Variants in KLHL1 observed in about 807,000 individuals in gnomAD.
KLHL1 encodes kelch-like protein 1.
In KLHL1, 47 loss-of-function variants were observed where a neutral mutation model predicts 77.7. That is an observed-to-expected ratio of 0.60 (90% CI 0.48 to 0.77). The LOEUF is 0.77. KLHL1 is among the 30% of genes least tolerant of loss of function. The pLI is 0.00. For missense variants in KLHL1, 925 were observed against 910.8 expected (o/e 1.02, Z -0.20); for synonymous variants, 360 against 325.2 (o/e 1.11, Z -1.15).
chr13:69,817,529 T>G (rs1213908970), intron 6 of KLHL1, among the ~76,000 whole-genome samples: 1 of 152,240 alleles, frequency 6.6e-6, no homozygotes, highest in Non-Finnish European at 1.5e-5. Context: ...CCACATTAGG[T>G]GACTTCTATT....
chr13:69,979,286 CT>C (rs944442570), intron 1 of KLHL1, among the ~76,000 whole-genome samples: 14 of 151,946 alleles, frequency 9.2e-5, no homozygotes, highest in Admixed American at 8.5e-4. Context: ...GGTCATTAAT[CT>C]TTCAGATAAA....
At position 69,828,369 on chromosome 13, in the gene KLHL1, G is replaced by A. The variant is rs538340902; in HGVS notation, c.1414+10607C>T. Among the ~76,000 whole-genome samples, 7 of 150,222 alleles carry A rather than the reference G, an allele frequency of 4.7e-5. No homozygotes were observed. The South Asian group carries it at 1.3e-3, about 27-fold the overall frequency. On this transcript the variant is annotated intron_variant, in intron 6 of 10. Coordinates refer to ENST00000377844, the MANE Select transcript of KLHL1 (RefSeq NM_020866.3). ...AATATAAAAATAGAAGAGGAAGTAG[G>A]ATGAGCCCTGTAGGCACTCTCAGTA... is the stretch of plus-strand genomic sequence containing the variant.
chr13:69,937,579 C>T (rs17085706), intron 4 of KLHL1, among the ~76,000 whole-genome samples: 7,561 of 152,178 alleles, frequency 0.05, 443 homozygotes, highest in African/African-American at 0.14. Flanking sequence ...TGCTGCTATT[C>T]TGGTGCTATC....
chr13:69,980,843 C>A (rs1261339487), intron 1 of KLHL1, among the ~76,000 whole-genome samples: 1 of 152,078 alleles, frequency 6.6e-6, no homozygotes, highest in Non-Finnish European at 1.5e-5. Context: ...CCATATCAAA[C>A]ATTTTAGGAG....
chr13:69,707,850 C>T, intron 9 of KLHL1, 54 bp from the exon 10 acceptor site: 2 of 1,418,222 alleles, frequency 1.4e-6, no homozygotes, highest in Non-Finnish European at 1.9e-6. Context: ...TCAACTTTTA[C>T]TATAAAAATT....
chr13:69,893,844 T>C (rs997931673), intron 4 of KLHL1, among the ~76,000 whole-genome samples: 15 of 152,196 alleles, frequency 9.9e-5, no homozygotes, highest in African/African-American at 3.4e-4. Flanking sequence ...TGTTTATAGG[T>C]ATTTGTTGTG....
At chr13:69,750,776 A>G (rs1285159360) in intron 7 of KLHL1, among the ~76,000 whole-genome samples, 1 of 152,028 alleles carries the variant, frequency 6.6e-6, no homozygotes, top group Admixed American at 6.6e-5. Context: ...TGAGCCATAG[A>G]AAAAAATGTA....
intron 4 of KLHL1, among the ~76,000 whole-genome samples, chr13:69,928,997 CTT>C (rs1354431106): frequency 6.6e-6 from 1 of 152,062 alleles, no homozygotes; most frequent in Non-Finnish European, 1.5e-5. Context: ...TTGATCATCT[CTT>C]ATGCTCAAAT....
At chr13:70,076,592 C>A (rs971078894) in intron 1 of KLHL1, among the ~76,000 whole-genome samples, 1 of 151,260 alleles carries the variant, frequency 6.6e-6, no homozygotes, top group African/African-American at 2.4e-5. Flanking sequence ...GACACAACAC[C>A]AAAAGCCCAA....
At position 69,831,759 on chromosome 13, in the gene KLHL1, T is replaced by C. The variant is rs187362226; in HGVS notation, c.1414+7217A>G. On this transcript the variant is annotated intron_variant, in intron 6 of 10. Coordinates refer to ENST00000377844, the MANE Select transcript of KLHL1 (RefSeq NM_020866.3). ...AAAAAGATAGTCCACGATGATCAAG[T>C]TGATTTCACACCAGGGATGCATGGA... Among the ~76,000 whole-genome samples the C allele has an allele frequency of 1.8e-4, 27 of 150,382 alleles. 3 individuals are homozygous for C. Among genetic ancestry groups the C allele is most frequent in the Non-Finnish European group, 3.2e-4 (22 of 67,738 alleles).
At chr13:70,054,710 A>T (rs1886702467) in intron 1 of KLHL1, among the ~76,000 whole-genome samples, 1 of 151,754 alleles carries the variant, frequency 6.6e-6, no homozygotes. Flanking sequence ...CAAATTTAAA[A>T]AGTGACTGCA....
intron 4 of KLHL1, among the ~76,000 whole-genome samples, chr13:69,896,219 C>T (rs1294989610): frequency 6.6e-6 from 1 of 152,144 alleles, no homozygotes; most frequent in Non-Finnish European, 1.5e-5. Flanking sequence ...ATCTCTCTTG[C>T]AGCCCCTTCA....
chr13:69,825,678 G>A (rs7335903), intron 6 of KLHL1, among the ~76,000 whole-genome samples: 14,512 of 152,114 alleles, frequency 0.095, 1,406 homozygotes, highest in African/African-American at 0.25. Flanking sequence ...GTAAGAACAA[G>A]TAAATCCATT....
chr13:70,009,724 C>T (rs1885486265), intron 1 of KLHL1, among the ~76,000 whole-genome samples: 1 of 152,196 alleles, frequency 6.6e-6, no homozygotes, highest in Non-Finnish European at 1.5e-5. Context: ...AGGTATATTT[C>T]ATTGCTATTC....
At chr13:70,091,147 A>C (rs1224309297) in intron 1 of KLHL1, among the ~76,000 whole-genome samples, 2 of 151,594 alleles carry the variant, frequency 1.3e-5, no homozygotes, top group Non-Finnish European at 2.9e-5. Flanking sequence ...TCCCTTATTC[A>C]TCTCTACTTC....
intron 1 of KLHL1, among the ~76,000 whole-genome samples, chr13:70,022,565 T>G (rs1257770232): frequency 6.9e-6 from 1 of 145,224 alleles, no homozygotes; most frequent in Admixed American, 7.2e-5. Flanking sequence ...TAAAGAATGA[T>G]AAAATGATGA....
intron 7 of KLHL1, among the ~76,000 whole-genome samples, chr13:69,788,250 T>C (rs1415451062): frequency 6.6e-6 from 1 of 152,174 alleles, no homozygotes; most frequent in Non-Finnish European, 1.5e-5. Flanking sequence ...AGCAAAGACT[T>C]GGAACCAACC....
At chr13:69,801,940 G>T (rs536400933) in intron 6 of KLHL1, among the ~76,000 whole-genome samples, 1 of 151,976 alleles carries the variant, frequency 6.6e-6, no homozygotes, top group East Asian at 1.9e-4. Context: ...GTATACATGC[G>T]CCATGGTGGT....
At chr13:69,946,810 G>C (rs1468308860) in intron 3 of KLHL1, among the ~76,000 whole-genome samples, 1 of 151,940 alleles carries the variant, frequency 6.6e-6, no homozygotes, top group Non-Finnish European at 1.5e-5. Flanking sequence ...TACCATGCCT[G>C]GCCAATAATT....
Sources: gnomAD v4.1 joint callset for allele counts (sites outside exome capture counted in the v4.1 genomes callset) on GRCh38, gnomAD v4.1.1 for gene constraint, MANE v1.5 for transcripts, NCBI Gene and HGNC (gene_info 2026-07-23, HGNC 2026-07-21) for gene names.